Variants in OIP5 observed in about 807,000 individuals in gnomAD.
OIP5 encodes the protein protein Mis18-beta.
OIP5 carries 24 observed loss-of-function variants against 20.3 expected under a neutral mutation model. The ratio of observed to expected loss-of-function variants is 1.18; its 90% CI spans 0.86 to 1.66. OIP5 has a LOEUF of 1.66. OIP5 is among the 40% of genes most tolerant of loss of function. OIP5 has a pLI of 0.00. For synonymous variants in OIP5, 143 were observed against 121.3 expected (o/e 1.18, Z -1.17); for missense variants, 339 against 289.5 (o/e 1.17, Z -1.24).
Position 41,309,738 on chromosome 15 carries a change from A to C in OIP5, c.*16T>G. 2 of 1,572,050 alleles carry C rather than the reference A, an allele frequency of 1.3e-6. No individual in the cohort carries two copies. Among genetic ancestry groups the C allele is most frequent in the Non-Finnish European group, 1.7e-6 (2 of 1,144,572 alleles). ...GCAATAAAGCCTGAACCTGACACTCAAGCTTTGGTACAGGATCAGTTTTCT... is the reference window on the plus strand; with the variant it reads ...GCAATAAAGCCTGAACCTGACACTCCAGCTTTGGTACAGGATCAGTTTTCT... On this transcript the variant is annotated 3_prime_UTR_variant, in exon 5 of 5. Coordinates refer to ENST00000220514, the MANE Select transcript of OIP5 (RefSeq NM_007280.2).
In OIP5 at chr15:41,331,898, T is replaced by C; in HGVS notation, c.389+17A>G. ...TAAAGTCAGGGACTAGAGACCAATG[T>C]AATTATCAATACGTACCTGCCTTTG... On this transcript the variant is annotated intron_variant, in intron 2 of 4. Transcript: ENST00000220514. 5 of 1,607,768 alleles carry C rather than the reference T, an allele frequency of 3.1e-6. No individual in the cohort carries two copies.
At chr15:41,324,690 T>C (rs1461051892) in intron 2 of OIP5, among the ~76,000 whole-genome samples, 3 of 152,098 alleles carry the variant, frequency 2.0e-5, no homozygotes, top group African/African-American at 7.2e-5. Context: ...GGTTTCACCA[T>C]GTTGGTCAGG....
intron 2 of OIP5, 66 bp downstream of exon 2, chr15:41,331,849 T>C: frequency 7.5e-7 from 1 of 1,328,866 alleles, no homozygotes; most frequent in South Asian, 1.2e-5. Context: ...CTCGTACATG[T>C]CAGTTCCACG....
At chr15:41,320,501 A>G (rs2140462394) in intron 2 of OIP5, among the ~76,000 whole-genome samples, 1 of 152,198 alleles carries the variant, frequency 6.6e-6, no homozygotes, top group South Asian at 2.1e-4. Context: ...GCTGGTCTCC[A>G]GCTCCTAACC....
In OIP5 at chr15:41,325,842, T is replaced by A. The variant is rs377047486; in HGVS notation, c.390-6062A>T. 6.2e-5 allele frequency among the ~76,000 whole-genome samples: 7 copies of A among 113,242 alleles called. No homozygotes were observed. The East Asian group carries it at 1.8e-3, about 29-fold the overall frequency. The allele number at this position is 113,242 out of a possible 152,430, so 74.3% of individuals were successfully genotyped here. ...TTCTGTCTGGGCAACAGAGCAAGACTCCGTCTCAAAAAAAAAAAAAAAAAA... is the reference window on the plus strand; with the variant it reads ...TTCTGTCTGGGCAACAGAGCAAGACACCGTCTCAAAAAAAAAAAAAAAAAA... On this transcript the variant is annotated intron_variant, in intron 2 of 4. Transcript: ENST00000220514.
chr15:41,320,985 G>C (rs2047820240), intron 2 of OIP5, among the ~76,000 whole-genome samples: 1 of 151,530 alleles, frequency 6.6e-6, no homozygotes. Context: ...ACCCTGCCTG[G>C]GAGGTGAGGA....
At chr15:41,314,302 A>T (rs2047776847) in intron 3 of OIP5, among the ~76,000 whole-genome samples, 1 of 152,102 alleles carries the variant, frequency 6.6e-6, no homozygotes, top group Admixed American at 6.5e-5. Flanking sequence ...GGGTTTCACC[A>T]TGTTGGCGAG....
At chr15:41,321,970 A>G (rs2047833637) in intron 2 of OIP5, among the ~76,000 whole-genome samples, 2 of 152,140 alleles carry the variant, frequency 1.3e-5, no homozygotes, top group Non-Finnish European at 2.9e-5. Flanking sequence ...AAATGCGCAG[A>G]CTAAAAGAGA....
chr15:41,310,446 G>A (rs946152529), intron 4 of OIP5, among the ~76,000 whole-genome samples: 8 of 152,072 alleles, frequency 5.3e-5, no homozygotes, highest in Admixed American at 2.6e-4. Flanking sequence ...CTAACACGGT[G>A]AAACCCCATC....
chr15:41,311,859 C>T (rs2047756698), intron 4 of OIP5, among the ~76,000 whole-genome samples: 1 of 143,942 alleles, frequency 6.9e-6, no homozygotes, highest in African/African-American at 2.4e-5. Context: ...AGCCACCGCA[C>T]CCAGCCAATA....
chr15:41,329,103 A>C (rs1595504379), intron 2 of OIP5, among the ~76,000 whole-genome samples: 2 of 149,834 alleles, frequency 1.3e-5, no homozygotes, highest in Admixed American at 1.3e-4. Flanking sequence ...AATAAAAAGA[A>C]CCCGAGTCTG....
intron 2 of OIP5, among the ~76,000 whole-genome samples, chr15:41,325,868 T>C (rs1435704259): frequency 1.1e-5 from 1 of 92,930 alleles, no homozygotes; most frequent in Non-Finnish European, 2.2e-5. Flanking sequence ...AAAAAAAAAA[T>C]TGCATTACCT....
chr15:41,317,470 C>T (rs2047795226), intron 3 of OIP5, among the ~76,000 whole-genome samples: 2 of 151,590 alleles, frequency 1.3e-5, no homozygotes, highest in Admixed American at 1.3e-4. Context: ...ACCTCTGACT[C>T]CCCGGTTCAA....
intron 2 of OIP5, among the ~76,000 whole-genome samples, chr15:41,320,058 CAA>C (rs1352217900): frequency 6.6e-6 from 1 of 152,020 alleles, no homozygotes; most frequent in Non-Finnish European, 1.5e-5. Flanking sequence ...CTAATAAACA[CAA>C]AAAGAGCTAA....
At chr15:41,319,637 T>C (rs2047810310) in intron 3 of OIP5, 21 bp downstream of exon 3, 1 of 1,581,250 alleles carries the variant, frequency 6.3e-7, no homozygotes, top group African/African-American at 1.4e-5. Flanking sequence ...TATTTGATGA[T>C]CAATATCTAA....
chr15:41,323,162 C>T (rs976058775), intron 2 of OIP5, among the ~76,000 whole-genome samples: 9 of 151,986 alleles, frequency 5.9e-5, no homozygotes, highest in African/African-American at 2.2e-4. Flanking sequence ...TCAGACAAAG[C>T]ACAGTACTTA....
intron 2 of OIP5, among the ~76,000 whole-genome samples, chr15:41,327,506 G>T (rs2047869401): frequency 6.6e-6 from 1 of 150,960 alleles, no homozygotes; most frequent in Admixed American, 6.6e-5. Context: ...AAAAAGAAAA[G>T]AGGCTGGGCG....
intron 4 of OIP5, among the ~76,000 whole-genome samples, chr15:41,311,013 G>A (rs1044640060): frequency 6.6e-6 from 1 of 152,140 alleles, no homozygotes; most frequent in African/African-American, 2.4e-5. Flanking sequence ...CCCAGCATAG[G>A]ATTTCCACCC....
rs749843635 is a variant in OIP5, at chr15:41,323,445, TAA to T, written c.390-3667_390-3666del. ...TAGTAAATGAGCATTGACTTCAACT[TAA>T]AGTCACCAGCTGCAATAGCCCCTAA... is the stretch of plus-strand genomic sequence containing the variant. On this transcript the variant is annotated intron_variant, in intron 2 of 4. Transcript: ENST00000220514. Among the ~76,000 whole-genome samples the T allele has an allele frequency of 1.1e-4, 16 of 152,284 alleles. No individual in the cohort carries two copies. The South Asian group carries it at 2.1e-3, about 20-fold the overall frequency.
Sources: allele counts gnomAD v4.1 joint callset (sites outside exome capture counted in the v4.1 genomes callset), GRCh38; gene constraint gnomAD v4.1.1; transcripts MANE v1.5; gene names NCBI Gene and HGNC (gene_info 2026-07-23, HGNC 2026-07-21).